GALNTL6: variants seen among roughly 807,000 people sequenced by gnomAD.
The protein encoded by GALNTL6 is polypeptide N-acetylgalactosaminyltransferase-like 6.
Under a neutral mutation model 73.7 loss-of-function variants are expected in GALNTL6, and 46 were observed. The ratio of observed to expected loss-of-function variants is 0.62; its 90% CI spans 0.49 to 0.80. The LOEUF (loss-of-function observed/expected upper bound fraction) is 0.80, where lower values mean the gene tolerates loss of function less well. Ranked by LOEUF, GALNTL6 falls within the 30% of genes least tolerant of loss-of-function variation. GALNTL6 has a pLI of 0.00. For synonymous variants in GALNTL6, 259 were observed against 263.7 expected (o/e 0.98, Z 0.17); for missense variants, 604 against 755.0 (o/e 0.80, Z 2.34).
intron 5 of GALNTL6, among the ~76,000 whole-genome samples, chr4:172,409,290 T>C (rs1744349808): frequency 6.6e-6 from 1 of 152,030 alleles, no homozygotes; most frequent in South Asian, 2.1e-4. Flanking sequence ...GTAACAACAA[T>C]AATCAACAGT....
chr4:172,679,185 G>T (rs555034722), intron 5 of GALNTL6, among the ~76,000 whole-genome samples: 1 of 152,336 alleles, frequency 6.6e-6, no homozygotes, highest in African/African-American at 2.4e-5. Context: ...GCCAAGGTGG[G>T]CAGATCGCCT....
At chr4:172,341,450 C>CA (rs4048503) in intron 4 of GALNTL6, among the ~76,000 whole-genome samples, 40 of 118,014 alleles carry the variant, frequency 3.4e-4, no homozygotes, top group African/African-American at 1.4e-3. Flanking sequence ...GACTCCGTCT[C>CA]AAAAAAAAAA....
chr4:172,077,938 C>T (rs1449539971), intron 2 of GALNTL6, among the ~76,000 whole-genome samples: 1 of 152,130 alleles, frequency 6.6e-6, no homozygotes, highest in African/African-American at 2.4e-5. Flanking sequence ...CGCCCTGCAT[C>T]TCAGTTGCTT....
chr4:173,041,437 G>GA lies in GALNTL6; in HGVS notation c.*1343dup, dbSNP rs1017157640. The GA allele has an allele frequency of 1.3e-5, 2 of 151,902 alleles. No individual in the cohort carries two copies. Among genetic ancestry groups the GA allele is most frequent in the Non-Finnish European group, 2.9e-5 (2 of 67,948 alleles). 9.4% of individuals were successfully genotyped at this position (151,902 alleles called of 1,614,324 possible). ...ACACAGGTATCAAGGTGGTTCTTGGGAAAAAAGAATCATGTTTATTATATA... is the reference window on the plus strand; with the variant it reads ...ACACAGGTATCAAGGTGGTTCTTGGGAAAAAAAGAATCATGTTTATTATATA... On this transcript the variant is annotated 3_prime_UTR_variant, in exon 13 of 13. Coordinates refer to ENST00000506823, the MANE Select transcript of GALNTL6 (RefSeq NM_001034845.3).
At chr4:171,991,056 G>A (rs1740316937) in intron 2 of GALNTL6, among the ~76,000 whole-genome samples, 1 of 152,044 alleles carries the variant, frequency 6.6e-6, no homozygotes, top group Admixed American at 6.6e-5. Context: ...GGAACTGAGA[G>A]ACTTCAGCAA....
rs528020191 is a variant in GALNTL6 at position 172,963,350 on chromosome 4, C to A, written c.1371+11092C>A. ...ACACATCCACATGCATACTTAAACA[C>A]TCCCTACTCCCTTTCCTCCTTTATT... On this transcript the variant is annotated intron_variant, in intron 10 of 12. Coordinates refer to ENST00000506823, the MANE Select transcript of GALNTL6 (RefSeq NM_001034845.3). Among the ~76,000 whole-genome samples, 20 of 152,296 alleles carry A rather than the reference C, an allele frequency of 1.3e-4. No homozygotes were observed. In the South Asian group the frequency reaches 3.9e-3, roughly 30 times the overall value.
At chr4:172,817,907 C>G (rs1433855291) in intron 7 of GALNTL6, among the ~76,000 whole-genome samples, 1 of 152,198 alleles carries the variant, frequency 6.6e-6, no homozygotes, top group Non-Finnish European at 1.5e-5. Context: ...AATTGTCCTA[C>G]TTGAGATACG....
At chr4:172,219,223 A>ATATATATATATATATATAT (rs56923371) in intron 2 of GALNTL6, among the ~76,000 whole-genome samples, 286 of 141,722 alleles carry the variant, frequency 2.0e-3, no homozygotes, top group Admixed American at 2.4e-3. Flanking sequence ...ATATATATAT[A>ATATATATATATATATATAT]ATCCTTCTGT....
chr4:172,299,088 A>C (rs1345397632), intron 3 of GALNTL6, among the ~76,000 whole-genome samples: 1 of 152,156 alleles, frequency 6.6e-6, no homozygotes, highest in Non-Finnish European at 1.5e-5. Flanking sequence ...TTCCTGGTTT[A>C]GTCTTGGGAG....
At chr4:171,828,514 C>T (rs1344161350) in intron 2 of GALNTL6, among the ~76,000 whole-genome samples, 1 of 152,178 alleles carries the variant, frequency 6.6e-6, no homozygotes, top group Non-Finnish European at 1.5e-5. Flanking sequence ...GCTGCAGTTG[C>T]CTGCCACTTC....
chr4:171,910,674 T>TGGAA (rs966932339), intron 2 of GALNTL6, among the ~76,000 whole-genome samples: 58 of 152,212 alleles, frequency 3.8e-4, no homozygotes, highest in Non-Finnish European at 4.9e-4. Context: ...GAATACAAGC[T>TGGAA]GGAACAAACA....
At chr4:172,395,394 G>A (rs1316892184) in intron 5 of GALNTL6, among the ~76,000 whole-genome samples, 1 of 151,982 alleles carries the variant, frequency 6.6e-6, no homozygotes, top group East Asian at 1.9e-4. Flanking sequence ...TCTGCTTTTT[G>A]TATGTTTTCA....
At chr4:171,994,719 C>T (rs1319065711) in intron 2 of GALNTL6, among the ~76,000 whole-genome samples, 1 of 137,022 alleles carries the variant, frequency 7.3e-6, no homozygotes, top group Admixed American at 7.7e-5. Context: ...TATTGCAATA[C>T]AAAATATGAA....
At chr4:172,621,799 AAAG>A (rs1738970897) in intron 5 of GALNTL6, among the ~76,000 whole-genome samples, 1 of 152,178 alleles carries the variant, frequency 6.6e-6, no homozygotes, top group African/African-American at 2.4e-5. Flanking sequence ...ACTGTTGCAT[AAAG>A]AAGTTCAATA....
intron 8 of GALNTL6, among the ~76,000 whole-genome samples, chr4:172,918,274 A>T (rs1440537513): frequency 6.6e-6 from 1 of 152,128 alleles, no homozygotes; most frequent in Non-Finnish European, 1.5e-5. Flanking sequence ...CATTAGGAGA[A>T]ATACCTAATG....
At chr4:172,825,835 C>T (rs1340196567) in intron 7 of GALNTL6, among the ~76,000 whole-genome samples, 1 of 152,100 alleles carries the variant, frequency 6.6e-6, no homozygotes, top group Non-Finnish European at 1.5e-5. Flanking sequence ...CCATATTTCC[C>T]TCCTCCCCAC....
intron 5 of GALNTL6, among the ~76,000 whole-genome samples, chr4:172,443,119 T>TAC (rs1731892128): frequency 9.9e-6 from 1 of 101,292 alleles, no homozygotes; most frequent in East Asian, 2.9e-4. Flanking sequence ...ATGATCCATA[T>TAC]ACATATATAT....
rs1560969204 is a variant in GALNTL6, at chr4:172,206,786, TGTTTTG to T, written c.139-22869_139-22864del. Among the ~76,000 whole-genome samples the T allele has an allele frequency of 2.1e-3, 150 of 70,688 alleles. 36 individuals are homozygous for T. Among genetic ancestry groups the T allele is most frequent in the Non-Finnish European group, 4.0e-3 (117 of 29,438 alleles). The allele number at this position is 70,688 out of a possible 152,430, so 46.4% of individuals were successfully genotyped here. On this transcript the variant is annotated intron_variant, in intron 2 of 12. Transcript: ENST00000506823. The stretch of plus-strand genomic sequence containing the variant: ...AGCAGATGAAACGTGTTTTTTGTTT[TGTTTTG>T]TTTTGTTTTTCTGTTTTTTTTGTTT...
At chr4:171,863,907 G>A (rs769908370) in intron 2 of GALNTL6, among the ~76,000 whole-genome samples, 5 of 152,004 alleles carry the variant, frequency 3.3e-5, no homozygotes, top group South Asian at 2.1e-4. Context: ...ACAGGTGCCC[G>A]CCACCATGCC....
Sources: gnomAD v4.1 joint callset for allele counts (sites outside exome capture counted in the v4.1 genomes callset) on GRCh38, gnomAD v4.1.1 for gene constraint, MANE v1.5 for transcripts, NCBI Gene and HGNC (gene_info 2026-07-23, HGNC 2026-07-21) for gene names.